The following KLRK1 variants were observed in gnomAD, a reference collection of about 807,000 sequenced individuals.
KLRK1 encodes killer cell lectin like receptor K1.
A neutral mutation model predicts 31.3 loss-of-function variants in KLRK1; 40 were observed. That is an observed-to-expected ratio of 1.28 (90% confidence interval 0.99 to 1.67). The LOEUF is 1.67. Ranked by LOEUF, KLRK1 falls within the 40% of genes most tolerant of loss-of-function variation. The probability of loss-of-function intolerance (pLI) is 0.00; values close to 1 mark genes in which losing one functional copy is unlikely to be tolerated. For missense variants in KLRK1, 251 were observed against 260.0 expected, an observed-to-expected ratio of 0.97 and a Z score of 0.24; for synonymous variants, 77 against 77.3, an observed-to-expected ratio of 1.00 and a Z score of 0.02.
chr12:10,373,193 A>G lies in KLRK1; in HGVS notation c.572T>C (p.Leu191Pro). The stretch of plus-strand genomic sequence containing the variant: ...ATAGCCTTTAAAGCTCGAGGCATAG[A>G]GTGCACAGTCTCCCTTCTGCATTTC... ...IIEMQKGDCA[L>P]YASSFKGYIE... Residue 191 changes from leucine (L) to proline (P), a missense_variant, in exon 8 of 8, where the codon CTC (leucine) becomes CCC (proline). Transcript: ENST00000240618. The G allele has an allele frequency of 6.2e-7, 1 of 1,611,064 alleles. No homozygotes were observed. Among genetic ancestry groups the G allele is most frequent in the Non-Finnish European group, 8.5e-7 (1 of 1,179,116 alleles).
chr12:10,384,448 T>G (rs183747795), intron 3 of KLRK1, among the ~76,000 whole-genome samples: 1 of 151,852 alleles, frequency 6.6e-6, no homozygotes. Context: ...AATAAATCCA[T>G]GTATTATAGC....
intron 3 of KLRK1, among the ~76,000 whole-genome samples, chr12:10,380,059 GTTTTTTTTTTTTTTTT>G (rs1162094591): frequency 1.2e-5 from 1 of 83,768 alleles, no homozygotes; most frequent in East Asian, 3.6e-4. Flanking sequence ...TGTTGTTATT[GTTTTTTTTTTTTTTTT>G]TTTTTTTTGA....
At chr12:10,380,799 A>T (rs971848344) in intron 3 of KLRK1, among the ~76,000 whole-genome samples, 1 of 152,170 alleles carries the variant, frequency 6.6e-6, no homozygotes, top group Admixed American at 6.5e-5. Context: ...CAGAGTGGGA[A>T]TTCACACTGG....
intron 4 of KLRK1, 91 bp downstream of exon 4, chr12:10,379,609 T>G: frequency 7.3e-7 from 1 of 1,376,574 alleles, no homozygotes; most frequent in Non-Finnish European, 9.9e-7. Context: ...ATTTCTAGTT[T>G]ATGTGTCTGT....
At chr12:10,379,879 A>G (rs1863038296) in intron 3 of KLRK1, 87 bp from the exon 4 acceptor site, 7 of 1,235,692 alleles carry the variant, frequency 5.7e-6, no homozygotes, top group Non-Finnish European at 6.6e-6. Context: ...AGAGTTTTTT[A>G]AATGAGAAGG....
At chr12:10,379,525 A>AACTT in intron 4 of KLRK1, 43 bp from the exon 5 acceptor site, 1 of 1,360,228 alleles carries the variant, frequency 7.4e-7, no homozygotes, top group Non-Finnish European at 1.0e-6. Context: ...TATTGTTAGT[A>AACTT]ACTTATAGTA....
chr12:10,376,759 T>TAAAACTACATTCATATACC lies in KLRK1; in HGVS notation c.533+1354_533+1372dup, dbSNP rs1331773298. Among the ~76,000 whole-genome samples, 14 of 152,326 alleles carry TAAAACTACATTCATATACC rather than the reference T, an allele frequency of 9.2e-5. No homozygotes were observed. In the East Asian group the frequency reaches 2.7e-3, roughly 29 times the overall value. On this transcript the variant is annotated intron_variant, in intron 7 of 7. Transcript: ENST00000240618. Reference sequence around the variant, plus strand: ...ATCATTGCATTAGTAAAATGCAAGTTAAAACTACATTCATATACCAAAACA... The same window carrying TAAAACTACATTCATATACC: ...ATCATTGCATTAGTAAAATGCAAGTTAAAACTACATTCATATACCAAAACTACATTCATATACCAAAACA...
At position 10,378,216 on chromosome 12, in the gene KLRK1, TTCACC is replaced by T; in HGVS notation, c.444_448del (p.Lys150IlefsTer32). On this transcript the variant is annotated frameshift_variant, in exon 7 of 8. Coordinates refer to ENST00000240618, the MANE Select transcript of KLRK1 (RefSeq NM_007360.4). LOFTEE classifies it high-confidence loss of function. ...TACTAGTCCCATCCAATGATATGAC[TTCACC>T]AGTTTAAGTAAATCCTGTTTGAAAC... 1 of 1,613,348 alleles carries T rather than the reference TTCACC, an allele frequency of 6.2e-7. No homozygotes were observed. The highest frequency in any genetic ancestry group is 8.5e-7 in the Non-Finnish European group (1 of 1,179,826).
chr12:10,374,395 C>CT (rs1412379809), intron 7 of KLRK1, among the ~76,000 whole-genome samples: 2 of 93,926 alleles, frequency 2.1e-5, no homozygotes, highest in African/African-American at 9.0e-5. Context: ...TTTCCTCTCT[C>CT]TCTTTTTTTT....
chr12:10,385,314 A>C (rs1192321595), intron 3 of KLRK1, among the ~76,000 whole-genome samples: 1 of 151,452 alleles, frequency 6.6e-6, no homozygotes. Context: ...CACAATAGCC[A>C]AGATATGGAA....
intron 2 of KLRK1, among the ~76,000 whole-genome samples, chr12:10,388,083 GGTTT>G (rs1372476564): frequency 6.6e-6 from 1 of 151,820 alleles, no homozygotes; most frequent in Non-Finnish European, 1.5e-5. Flanking sequence ...ATGTCACGGG[GGTTT>G]GTTGTACAAA....
rs765066098 is a variant in KLRK1 at position 10,378,527 on chromosome 12, G to A, written c.429+27C>T. On this transcript the variant is annotated intron_variant, in intron 6 of 7. Transcript: ENST00000240618. ...TCTCAGATGTTAGGATTAAATACAG[G>A]ATGGGAAATTAAAATAAATACTCAA... 6 of 1,607,400 alleles carry A rather than the reference G, an allele frequency of 3.7e-6. No individual in the cohort carries two copies. The South Asian group carries it at 6.7e-5, about 18-fold the overall frequency.
intron 3 of KLRK1, among the ~76,000 whole-genome samples, chr12:10,380,059 G>GTTTTTTTTTTTTTTTTTT (rs1162094591): frequency 2.4e-5 from 2 of 83,766 alleles, no homozygotes; most frequent in African/African-American, 4.6e-5. Context: ...TGTTGTTATT[G>GTTTTTTTTTTTTTTTTTT]TTTTTTTTTT....
intron 2 of KLRK1, among the ~76,000 whole-genome samples, chr12:10,387,572 TTTC>T (rs1863190854): frequency 6.6e-6 from 1 of 151,038 alleles, no homozygotes; most frequent in Non-Finnish European, 1.5e-5. Flanking sequence ...ATTTTCTTCT[TTTC>T]TTTTTTTTTT....
chr12:10,383,115 C>G (rs1046110788), intron 3 of KLRK1, among the ~76,000 whole-genome samples: 1 of 151,888 alleles, frequency 6.6e-6, no homozygotes, highest in African/African-American at 2.4e-5. Flanking sequence ...CACTAGAAAA[C>G]AAGGAACAAA....
At chr12:10,377,812 C>T (rs2137805958) in intron 7 of KLRK1, among the ~76,000 whole-genome samples, 1 of 152,210 alleles carries the variant, frequency 6.6e-6, no homozygotes, top group Middle Eastern at 3.4e-3. Context: ...CTCAACATGT[C>T]TGGTAATAAA....
intron 7 of KLRK1, among the ~76,000 whole-genome samples, chr12:10,376,835 G>C (rs1591579691): frequency 1.1e-5 from 1 of 88,942 alleles, no homozygotes; most frequent in Non-Finnish European, 2.5e-5. Context: ...ATTTATTTAT[G>C]AGACAGGGTC....
Position 10,378,664 on chromosome 12 carries a change from T to G in KLRK1, c.319A>C (p.Lys107Gln). Residue 107 changes from lysine to glutamine, a missense_variant, in exon 6 of 8, where the codon AAA becomes CAA. Coordinates refer to ENST00000240618, the MANE Select transcript of KLRK1 (RefSeq NM_007360.4). ...TCAAAAAATTGGTAGCAGTTATTTTTGTAACATATCCAGTTTTTAGGACAT... is the reference window on the plus strand; with the variant it reads ...TCAAAAAATTGGTAGCAGTTATTTTGGTAACATATCCAGTTTTTAGGACAT... ...GPCPKNWICY[K>Q]NNCYQFFDES... 6.2e-7 allele frequency: 1 copy of G among 1,609,980 alleles called. No homozygotes were observed. Among genetic ancestry groups the G allele is most frequent in the Non-Finnish European group, 8.5e-7 (1 of 1,179,130 alleles).
At chr12:10,385,303 T>A (rs1441051191) in intron 3 of KLRK1, among the ~76,000 whole-genome samples, 2 of 150,724 alleles carry the variant, frequency 1.3e-5, no homozygotes, top group Non-Finnish European at 3.0e-5. Flanking sequence ...GCAGCATTAT[T>A]CACAATAGCC....
Sources: allele counts gnomAD v4.1 joint callset (sites outside exome capture counted in the v4.1 genomes callset), GRCh38; gene constraint gnomAD v4.1.1; transcripts MANE v1.5; gene names NCBI Gene and HGNC (gene_info 2026-07-23, HGNC 2026-07-21).